OCA2: variants seen among roughly 807,000 people sequenced by gnomAD.
OCA2 encodes P protein.
Under a neutral mutation model 100.2 loss-of-function variants are expected in OCA2, and 77 were observed. The ratio of observed to expected loss-of-function variants is 0.77; its 90% confidence interval spans 0.64 to 0.93. The LOEUF is 0.93. OCA2 is among the 40% of genes least tolerant of loss of function. The probability of loss-of-function intolerance (pLI) is 0.00; values close to 1 mark genes in which losing one functional copy is unlikely to be tolerated. For missense variants in OCA2, 1,062 were observed against 1,089.1 expected, an observed-to-expected ratio of 0.98 and a Z score of 0.35; for synonymous variants, 432 against 439.2, an observed-to-expected ratio of 0.98 and a Z score of 0.21.
chr15:27,778,550 C>G (rs1263890965), intron 23 of OCA2, among the ~76,000 whole-genome samples: 1 of 151,870 alleles, frequency 6.6e-6, no homozygotes, highest in Non-Finnish European at 1.5e-5. Flanking sequence ...GTTTTTAAAG[C>G]TATAACGTTC....
chr15:27,831,284 C>CAAAAAAAAAAAAA (rs71132824), intron 23 of OCA2, among the ~76,000 whole-genome samples: 1,632 of 62,456 alleles, frequency 0.026, 286 homozygotes, highest in Non-Finnish European at 0.035. Context: ...GACTCCGTCT[C>CAAAAAAAAAAAAA]AAAAAAAAAA....
intron 19 of OCA2, among the ~76,000 whole-genome samples, chr15:27,905,213 G>A (rs570663437): frequency 6.6e-6 from 1 of 151,236 alleles, no homozygotes; most frequent in African/African-American, 2.4e-5. Flanking sequence ...GACAATGGCA[G>A]TGGTATAACT....
intron 19 of OCA2, among the ~76,000 whole-genome samples, chr15:27,913,872 AAAGAAAGAAAGAAAGAAAGAAAGC>A (rs1567097960): frequency 1.0e-4 from 6 of 57,752 alleles, no homozygotes; most frequent in Non-Finnish European, 1.5e-4. Flanking sequence ...AGAAAGAAAG[AAAGAAAGAAAGAAAGAAAGAAAGC>A]AAGCAAGCAA....
intron 9 of OCA2, among the ~76,000 whole-genome samples, chr15:28,003,660 C>T (rs1375941091): frequency 6.7e-6 from 1 of 150,152 alleles, no homozygotes; most frequent in Non-Finnish European, 1.5e-5. Flanking sequence ...GTGTGCCCCC[C>T]GAACGCTGAG....
At chr15:28,097,215 C>T (rs2045002127) in intron 1 of OCA2, among the ~76,000 whole-genome samples, 1 of 152,238 alleles carries the variant, frequency 6.6e-6, no homozygotes, top group African/African-American at 2.4e-5. Context: ...GGGTCGGACC[C>T]ACACGGACCC....
intron 23 of OCA2, among the ~76,000 whole-genome samples, chr15:27,831,479 G>A (rs2034955523): frequency 6.6e-6 from 1 of 152,170 alleles, no homozygotes; most frequent in African/African-American, 2.4e-5. Context: ...CACGTAACCC[G>A]ATTGTTTTCA....
intron 23 of OCA2, among the ~76,000 whole-genome samples, chr15:27,768,175 A>G (rs2031426713): frequency 6.6e-6 from 1 of 152,230 alleles, no homozygotes; most frequent in Admixed American, 6.5e-5. Context: ...TGAGCTAGGC[A>G]GGCTGAGGGA....
At chr15:27,722,903 G>A in the OCA2 span, among the ~76,000 whole-genome samples, 90 of 150,860 alleles carry the variant, frequency 6.0e-4, no homozygotes, top group Non-Finnish European at 1.1e-3. Flanking sequence ...GTCCAGTGGC[G>A]TGATCTTGAC....
At chr15:27,919,274 C>T (rs1490835622) in intron 19 of OCA2, among the ~76,000 whole-genome samples, 2 of 152,100 alleles carry the variant, frequency 1.3e-5, no homozygotes, top group Non-Finnish European at 2.9e-5. Flanking sequence ...TTCATATTTA[C>T]CCAAACGATT....
intron 19 of OCA2, among the ~76,000 whole-genome samples, chr15:27,907,987 G>A (rs1437390472): frequency 6.6e-6 from 1 of 151,940 alleles, no homozygotes; most frequent in Non-Finnish European, 1.5e-5. Flanking sequence ...TGAAAAGAAG[G>A]TAAATTTTCC....
At chr15:27,739,470 G>T in the OCA2 span, among the ~76,000 whole-genome samples, 1 of 118,936 alleles carries the variant, frequency 8.4e-6, no homozygotes, top group Non-Finnish European at 1.6e-5. Context: ...TTTTGAGACA[G>T]AGTCTCACTC....
At chr15:28,064,054 G>A (rs2043953972) in intron 2 of OCA2, among the ~76,000 whole-genome samples, 1 of 152,092 alleles carries the variant, frequency 6.6e-6, no homozygotes, top group African/African-American at 2.4e-5. Context: ...TTGAAGGGCA[G>A]TTTTGCCAGA....
intron 23 of OCA2, among the ~76,000 whole-genome samples, chr15:27,800,766 ACCAGC>A (rs1289742625): frequency 6.6e-6 from 1 of 151,276 alleles, no homozygotes; most frequent in Non-Finnish European, 1.5e-5. Flanking sequence ...AGAGTTCAAG[ACCAGC>A]CTGGGCAACA....
Position 27,887,617 on chromosome 15 carries a change from C to T in OCA2, c.2080-15695G>A, listed in dbSNP as rs74005275. Among the ~76,000 whole-genome samples, 61 of 120,256 alleles carry T rather than the reference C, an allele frequency of 5.1e-4. 1 individual carries two copies. The highest frequency in any genetic ancestry group is 2.4e-3 in the South Asian group (8 of 3,276). The allele number at this position is 120,256 out of a possible 152,430, so 78.9% of individuals were successfully genotyped here. Reference sequence around the variant, plus strand: ...GGAGACCTGTAAGTCCACTAAACCTCTTTTTTTTTTTTTTTTTGTAAATTG... The same window carrying T: ...GGAGACCTGTAAGTCCACTAAACCTTTTTTTTTTTTTTTTTTTGTAAATTG... On this transcript the variant is annotated intron_variant, in intron 19 of 23. Coordinates refer to ENST00000354638, the MANE Select transcript of OCA2 (RefSeq NM_000275.3).
chr15:27,914,941 T>A (rs540248737), intron 19 of OCA2, among the ~76,000 whole-genome samples: 1 of 152,082 alleles, frequency 6.6e-6, no homozygotes, highest in Non-Finnish European at 1.5e-5. Context: ...GCTGGAGGCA[T>A]CACATTACCC....
intron 15 of OCA2, among the ~76,000 whole-genome samples, chr15:27,965,676 T>C (rs2040541076): frequency 4.6e-5 from 7 of 152,154 alleles, no homozygotes; most frequent in Admixed American, 4.6e-4. Context: ...GAGATCAACA[T>C]GCAATCCGTG....
intron 21 of OCA2, among the ~76,000 whole-genome samples, chr15:27,870,229 G>A (rs2036491385): frequency 6.6e-6 from 1 of 152,222 alleles, no homozygotes; most frequent in African/African-American, 2.4e-5. Context: ...GATGTTCCCT[G>A]CGGGGAAGGG....
intron 14 of OCA2, among the ~76,000 whole-genome samples, chr15:27,979,492 T>C (rs2041076189): frequency 6.6e-6 from 1 of 152,228 alleles, no homozygotes. Context: ...CACCATTTCT[T>C]TGCTTCCTTT....
intron 19 of OCA2, among the ~76,000 whole-genome samples, chr15:27,892,636 T>C (rs1258658027): frequency 6.6e-6 from 1 of 151,896 alleles, no homozygotes; most frequent in African/African-American, 2.4e-5. Context: ...CAATCTAAGT[T>C]CCTACCTCAA....
Sources: allele counts gnomAD v4.1 joint callset (sites outside exome capture counted in the v4.1 genomes callset), GRCh38; gene constraint gnomAD v4.1.1; transcripts MANE v1.5; gene names NCBI Gene and HGNC (gene_info 2026-07-23, HGNC 2026-07-21).